ZFAND6: variants seen among roughly 807,000 people sequenced by gnomAD.
ZFAND6 encodes AN1-type zinc finger protein 6.
Under a neutral mutation model 24.5 loss-of-function variants are expected in ZFAND6, and 12 were observed. That is an observed-to-expected ratio of 0.49 (90% CI 0.31 to 0.79). The LOEUF (loss-of-function observed/expected upper bound fraction) is 0.79. Among genes scored for constraint, ZFAND6 ranks in the 30% least tolerant of loss-of-function variants. The pLI, the probability that ZFAND6 is intolerant of heterozygous loss-of-function variation, is 0.04. For missense variants in ZFAND6, 207 were observed against 245.9 expected, an observed-to-expected ratio of 0.84 and a Z score of 1.06; for synonymous variants, 92 against 81.5, an observed-to-expected ratio of 1.13 and a Z score of -0.69.
At chr15:80,111,203 T>C (rs979030528) in intron 2 of ZFAND6, among the ~76,000 whole-genome samples, 5 of 152,194 alleles carry the variant, frequency 3.3e-5, no homozygotes, top group Non-Finnish European at 5.9e-5. Context: ...TCCATATAAA[T>C]CATGTCTGGG....
At chr15:80,079,083 A>C (rs2037473948) in intron 1 of ZFAND6, among the ~76,000 whole-genome samples, 1 of 141,524 alleles carries the variant, frequency 7.1e-6, no homozygotes, top group African/African-American at 2.7e-5. Context: ...TTCTTTTGAG[A>C]AGTATGTGTT....
chr15:80,133,407 C>A lies in ZFAND6; in HGVS notation c.478+2114C>A, dbSNP rs542795161. 1.0e-3 allele frequency among the ~76,000 whole-genome samples: 153 copies of A among 152,110 alleles called. 1 individual carries two copies. The highest frequency in any genetic ancestry group is 3.4e-3 in the African/African-American group (140 of 41,506). On this transcript the variant is annotated intron_variant, in intron 6 of 6. Transcript: ENST00000261749. ...ATGGGGTTTCACCACGTTGGCCAGGCTGCTCTCAAACTCCTGACCTCAGGT... is the reference window on the plus strand; with the variant it reads ...ATGGGGTTTCACCACGTTGGCCAGGATGCTCTCAAACTCCTGACCTCAGGT...
chr15:80,068,289 A>T (rs575438166), intron 1 of ZFAND6, among the ~76,000 whole-genome samples: 1 of 151,984 alleles, frequency 6.6e-6, no homozygotes, highest in Non-Finnish European at 1.5e-5. Flanking sequence ...CTGGGACTAC[A>T]GGCGCGCCAC....
At chr15:80,099,617 C>CTTTTTT (rs1567073638) in intron 2 of ZFAND6, among the ~76,000 whole-genome samples, 2 of 55,010 alleles carry the variant, frequency 3.6e-5, no homozygotes, top group South Asian at 7.3e-4. Flanking sequence ...ATATGGATAT[C>CTTTTTT]CTTTTTTTTT....
chr15:80,069,554 GA>G (rs2036854169), intron 1 of ZFAND6, among the ~76,000 whole-genome samples: 1 of 152,140 alleles, frequency 6.6e-6, no homozygotes, highest in African/African-American at 2.4e-5. Context: ...GGAGTCAGGA[GA>G]GATACACCAG....
intron 1 of ZFAND6, among the ~76,000 whole-genome samples, chr15:80,082,919 G>A (rs1302045331): frequency 6.6e-6 from 1 of 152,196 alleles, no homozygotes; most frequent in Non-Finnish European, 1.5e-5. Flanking sequence ...CTCTGAGGTG[G>A]ATATGGGATA....
chr15:80,136,935 C>T (rs1489624200), intron 6 of ZFAND6, among the ~76,000 whole-genome samples: 1 of 152,134 alleles, frequency 6.6e-6, no homozygotes, highest in Non-Finnish European at 1.5e-5. Context: ...CTCAGAGAGG[C>T]TAATTTGCCT....
chr15:80,065,568 CAG>C (rs1360853924), intron 1 of ZFAND6, among the ~76,000 whole-genome samples: 1 of 92,276 alleles, frequency 1.1e-5, no homozygotes, highest in Non-Finnish European at 2.0e-5. Context: ...TTTTTGGAGA[CAG>C]AGTCTTACTC....
Position 80,137,514 on chromosome 15 carries a change from T to G in ZFAND6, c.513T>G (p.Gly171=). 1 of 1,606,590 alleles carries G rather than the reference T, an allele frequency of 6.2e-7. No individual in the cohort carries two copies. Among genetic ancestry groups the G allele is most frequent in the Non-Finnish European group, 8.5e-7 (1 of 1,177,996 alleles). The part of the protein sequence containing the change: ...FECRCGNVYC[G]VHRYSDVHNC... ...GCCGGTGTGGAAATGTTTACTGTGG[T>G]GTACACCGTTACTCAGATGTACACA... is the stretch of plus-strand genomic sequence containing the variant. Residue 171 remains glycine (G), a synonymous_variant, in exon 7 of 7, where the codon GGT becomes GGG. Coordinates refer to ENST00000261749, the MANE Select transcript of ZFAND6 (RefSeq NM_019006.4).
At chr15:80,102,615 G>A (rs1167947049) in intron 2 of ZFAND6, among the ~76,000 whole-genome samples, 1 of 152,114 alleles carries the variant, frequency 6.6e-6, no homozygotes, top group Non-Finnish European at 1.5e-5. Flanking sequence ...GTTATGGGTG[G>A]CACATTAATT....
At chr15:80,062,098 G>C (rs1169063462) in intron 1 of ZFAND6, among the ~76,000 whole-genome samples, 1 of 152,068 alleles carries the variant, frequency 6.6e-6, no homozygotes, top group Non-Finnish European at 1.5e-5. Flanking sequence ...AAAAACGCTG[G>C]ATTGTATGTA....
At chr15:80,066,233 T>C (rs8034821) in intron 1 of ZFAND6, among the ~76,000 whole-genome samples, 2,686 of 152,140 alleles carry the variant, frequency 0.018, 82 homozygotes, top group African/African-American at 0.061. Context: ...TCTGAGACTG[T>C]CTCTCTGAGG....
intron 2 of ZFAND6, among the ~76,000 whole-genome samples, chr15:80,104,675 G>A (rs1057385039): frequency 6.6e-6 from 1 of 152,066 alleles, no homozygotes; most frequent in African/African-American, 2.4e-5. Context: ...ATATTTCATT[G>A]TACTTTTCTT....
At chr15:80,060,165 G>T (rs1372743411) in intron 1 of ZFAND6, 1 of 152,102 alleles carries the variant, frequency 6.6e-6, no homozygotes, top group Non-Finnish European at 1.5e-5. Flanking sequence ...CCCCGAGCGG[G>T]TTGCGAGCGG....
At chr15:80,085,289 T>C (rs748686350) in intron 1 of ZFAND6, among the ~76,000 whole-genome samples, 1 of 152,254 alleles carries the variant, frequency 6.6e-6, no homozygotes, top group Non-Finnish European at 1.5e-5. Context: ...GACTTTCCAC[T>C]ACTGTGAATG....
At chr15:80,122,833 T>C in intron 5 of ZFAND6, 33 bp downstream of exon 5, 5 of 1,560,052 alleles carry the variant, frequency 3.2e-6, no homozygotes, top group Non-Finnish European at 4.4e-6. Flanking sequence ...ATTTTGTTAT[T>C]TGAGTATTAT....
chr15:80,095,007 A>G (rs962138082), intron 1 of ZFAND6, among the ~76,000 whole-genome samples: 5 of 152,124 alleles, frequency 3.3e-5, no homozygotes, highest in African/African-American at 1.2e-4. Flanking sequence ...TCCTGACCTC[A>G]GGTAATCCAC....
At chr15:80,137,200 C>T (rs900033772) in intron 6 of ZFAND6, among the ~76,000 whole-genome samples, 1 of 152,208 alleles carries the variant, frequency 6.6e-6, no homozygotes, top group Non-Finnish European at 1.5e-5. Flanking sequence ...CATTTTCAAC[C>T]TAGCAACTGT....
chr15:80,082,629 C>T (rs959143429), intron 1 of ZFAND6, among the ~76,000 whole-genome samples: 1 of 152,126 alleles, frequency 6.6e-6, no homozygotes, highest in Admixed American at 6.5e-5. Flanking sequence ...ATATCACTGT[C>T]AAGTGACTTT....
Sources: allele counts gnomAD v4.1 joint callset (sites outside exome capture counted in the v4.1 genomes callset), GRCh38; gene constraint gnomAD v4.1.1; transcripts MANE v1.5; gene names NCBI Gene and HGNC (gene_info 2026-07-23, HGNC 2026-07-21).